Variants in SP3 observed in about 807,000 individuals in gnomAD.
SP3 encodes the protein Sp3 transcription factor.
Under a neutral mutation model 70.3 loss-of-function variants are expected in SP3, and 10 were observed. The observed-to-expected ratio is 0.14, with a 90% CI of 0.09 to 0.24. SP3 has a LOEUF of 0.24. Among genes scored for constraint, SP3 ranks in the 10% least tolerant of loss-of-function variants. The pLI, the probability that SP3 is intolerant of heterozygous loss-of-function variation, is 1.00. For missense variants in SP3, 825 were observed against 914.6 expected, an observed-to-expected ratio of 0.90 and a Z score of 1.26; for synonymous variants, 402 against 333.5, an observed-to-expected ratio of 1.21 and a Z score of -2.24.
At chr2:173,956,495 T>C (rs1367604893) in intron 3 of SP3, among the ~76,000 whole-genome samples, 1 of 152,190 alleles carries the variant, frequency 6.6e-6, no homozygotes, top group African/African-American at 2.4e-5. Flanking sequence ...AATTTTCTAA[T>C]CCTGCATCTA....
At chr2:173,913,044 G>T in intron 6 of SP3, 26 bp downstream of exon 6, 1 of 1,495,152 alleles carries the variant, frequency 6.7e-7, no homozygotes, top group Non-Finnish European at 9.0e-7. Flanking sequence ...ATTCATTTTT[G>T]TCTGTTAAAA....
At chr2:173,918,515 G>A (rs1276618767) in intron 5 of SP3, 78 bp downstream of exon 5, 2 of 1,333,390 alleles carry the variant, frequency 1.5e-6, no homozygotes, top group East Asian at 2.3e-5. Context: ...ATAATTAAAT[G>A]ACATAGCATG....
At chr2:173,928,503 TAAA>T (rs369695925) in intron 4 of SP3, among the ~76,000 whole-genome samples, 3 of 138,276 alleles carry the variant, frequency 2.2e-5, no homozygotes, top group Non-Finnish European at 3.2e-5. Context: ...CTTCCTTCAT[TAAA>T]AAAAAAAAAA....
chr2:173,963,254 C>G (rs1691144844), intron 3 of SP3: 1 of 152,134 alleles, frequency 6.6e-6, no homozygotes, highest in Admixed American at 6.5e-5. Context: ...AAAAAGCAGT[C>G]TTCACTCCTG....
At chr2:173,964,660 C>T in intron 1 of SP3, 107 bp from the exon 2 acceptor site, 1 of 483,078 alleles carries the variant, frequency 2.1e-6, no homozygotes, top group Non-Finnish European at 3.6e-6. Flanking sequence ...GGACCCAGGC[C>T]CCTTCCCCTC....
At position 173,955,275 on chromosome 2, in the gene SP3, C is replaced by T; in HGVS notation, c.1237G>A (p.Val413Met). The T allele has an allele frequency of 6.2e-7, 1 of 1,614,082 alleles. No individual in the cohort carries two copies. The stretch of plus-strand genomic sequence containing the variant: ...ATTGTCTGTGGTGTAATACCTTGCA[C>T]AATTTGGGCTTGACTGGTTGGCTGC... ...SQQPTSQAQIVQGITPQTIHG... is the reference protein window; with the variant it reads ...SQQPTSQAQIMQGITPQTIHG... The change falls in exon 4 of 7, where the codon GTG (valine) becomes ATG (methionine). Residue 413 changes from valine to methionine, a missense_variant. This residue lies in a region of SP3 where 678 missense variants were observed against 651.6 expected (regional missense o/e 1.04). Coordinates refer to ENST00000310015, the MANE Select transcript of SP3 (RefSeq NM_003111.5).
chr2:173,920,348 T>C lies in SP3; in HGVS notation c.1640-1563A>G, dbSNP rs372770278. ...TGAAAATACTATGTATGATGTAATATAGGTGGATGCATGGCATACATTTGT... is the reference window on the plus strand; with the variant it reads ...TGAAAATACTATGTATGATGTAATACAGGTGGATGCATGGCATACATTTGT... On this transcript the variant is annotated intron_variant, in intron 4 of 6. Coordinates refer to ENST00000310015, the MANE Select transcript of SP3 (RefSeq NM_003111.5). Among the ~76,000 whole-genome samples, 77 of 152,276 alleles carry C rather than the reference T, an allele frequency of 5.1e-4. 2 individuals carry two copies. The highest frequency in any genetic ancestry group is 1.7e-3 in the African/African-American group (72 of 41,552).
intron 4 of SP3, among the ~76,000 whole-genome samples, chr2:173,920,490 T>C (rs1321743937): frequency 1.3e-5 from 2 of 152,032 alleles, no homozygotes; most frequent in African/African-American, 4.8e-5. Flanking sequence ...CTCTGAATGA[T>C]GGGTGATGTT....
At chr2:173,922,934 A>G (rs922150044) in intron 4 of SP3, among the ~76,000 whole-genome samples, 2 of 152,216 alleles carry the variant, frequency 1.3e-5, no homozygotes, top group African/African-American at 4.8e-5. Context: ...GTTAGCCCAC[A>G]AGGGTAGATT....
At chr2:173,930,044 G>C (rs1690028301) in intron 4 of SP3, among the ~76,000 whole-genome samples, 1 of 151,848 alleles carries the variant, frequency 6.6e-6, no homozygotes, top group Non-Finnish European at 1.5e-5. Context: ...TCTAACTATG[G>C]GTACCTTGAG....
intron 5 of SP3, chr2:173,913,510 A>G: frequency 3.5e-6 from 1 of 282,912 alleles, no homozygotes; most frequent in Non-Finnish European, 6.5e-6. Flanking sequence ...AATATGCTCA[A>G]GAATTATGTA....
chr2:173,964,474 G>GCCGCCGCCGCCGCCA lies in SP3; in HGVS notation c.72_86dup (p.Gly25_Gly29dup), dbSNP rs751755749. The GCCGCCGCCGCCGCCA allele has an allele frequency of 1.9e-5, 13 of 688,296 alleles. No homozygotes were observed. The highest frequency in any genetic ancestry group is 3.2e-5 in the Non-Finnish European group (12 of 372,764). 42.6% of individuals were successfully genotyped at this position (688,296 alleles called of 1,614,324 possible). A position where few individuals can be genotyped will look rare whatever the true frequency, so the allele number is the denominator to read the frequency against. On this transcript the variant is annotated inframe_insertion, in exon 2 of 7. Transcript: ENST00000310015. The stretch of plus-strand genomic sequence containing the variant: ...GCTGCTGCTGCAGATACTCGCCGTG[G>GCCGCCGCCGCCGCCA]CCGCCGCCGCCGCCACCGCCGCCGC...
chr2:173,962,760 TCCA>T (rs1691126666), intron 3 of SP3, among the ~76,000 whole-genome samples: 1 of 152,130 alleles, frequency 6.6e-6, no homozygotes, highest in Non-Finnish European at 1.5e-5. Context: ...ATTCCTATGA[TCCA>T]CCACACACAC....
intron 4 of SP3, among the ~76,000 whole-genome samples, chr2:173,944,761 A>G (rs1436667966): frequency 1.3e-5 from 2 of 152,224 alleles, no homozygotes; most frequent in Non-Finnish European, 2.9e-5. Context: ...TTTGGTTATT[A>G]AACTAAATAT....
At chr2:173,961,273 G>A (rs1368881680) in intron 3 of SP3, among the ~76,000 whole-genome samples, 1 of 152,180 alleles carries the variant, frequency 6.6e-6, no homozygotes, top group Non-Finnish European at 1.5e-5. Flanking sequence ...CCTTGGCTAG[G>A]ATCCTCTTTT....
At chr2:173,964,666 C>G in intron 1 of SP3, 113 bp from the exon 2 acceptor site, 1 of 448,570 alleles carries the variant, frequency 2.2e-6, no homozygotes, top group Non-Finnish European at 3.9e-6. Context: ...AGGCCCCTTC[C>G]CCTCCCCCAC....
chr2:173,956,440 G>C (rs1337786599), intron 3 of SP3, among the ~76,000 whole-genome samples: 1 of 152,072 alleles, frequency 6.6e-6, no homozygotes, highest in African/African-American at 2.4e-5. Flanking sequence ...TCCTATTTGA[G>C]TGGGATAAAA....
chr2:173,906,049 A>T lies in SP3; in HGVS notation c.*3892T>A, dbSNP rs1689310610. 6.6e-6 allele frequency among the ~76,000 whole-genome samples: 1 copy of T among 152,166 alleles called. No homozygotes were observed. On this transcript the variant is annotated 3_prime_UTR_variant, in exon 7 of 7. Transcript: ENST00000310015. ...ACTAGAATGAATTTTTCTGGGGAGA[A>T]GGTGTAGGATTCCAAAAAGACTAGG...
At position 173,965,147 on chromosome 2, in the gene SP3, T is replaced by G; in HGVS notation, c.7+18A>C. Reference sequence around the variant, plus strand: ...CGGCGGCGGCAGCAGCAAGGGTTGCTCTCTCGGCTTTACGTACCGGTCATA... The same window carrying G: ...CGGCGGCGGCAGCAGCAAGGGTTGCGCTCTCGGCTTTACGTACCGGTCATA... On this transcript the variant is annotated intron_variant, in intron 1 of 6. Coordinates refer to ENST00000310015, the MANE Select transcript of SP3 (RefSeq NM_003111.5). 1.3e-6 allele frequency: 2 copies of G among 1,546,058 alleles called. No homozygotes were observed. Among genetic ancestry groups the G allele is most frequent in the East Asian group, 2.5e-5 (1 of 40,646 alleles).
Sources: gnomAD v4.1 joint callset for allele counts (sites outside exome capture counted in the v4.1 genomes callset) on GRCh38, gnomAD v4.1.1 for gene constraint, gnomAD v4.1.1 regional missense constraint, MANE v1.5 for transcripts, NCBI Gene and HGNC (gene_info 2026-07-23, HGNC 2026-07-21) for gene names.